WDR47: variants seen among roughly 807,000 people sequenced by gnomAD.
WDR47 encodes WD repeat domain 47, also known as WD repeat-containing protein 47.
WDR47 carries 32 observed loss-of-function variants against 97.2 expected under a neutral mutation model. That is an observed-to-expected ratio of 0.33 (90% CI 0.25 to 0.44). The LOEUF is 0.44. Ranked by LOEUF, WDR47 falls within the 20% of genes least tolerant of loss-of-function variation. The probability of loss-of-function intolerance (pLI) is 1.00; values close to 1 mark genes in which losing one functional copy is unlikely to be tolerated. For missense variants in WDR47, 782 were observed against 1,102.3 expected (o/e 0.71, Z 4.11); for synonymous variants, 375 against 373.5 (o/e 1.00, Z -0.05).
intron 7 of WDR47, among the ~76,000 whole-genome samples, chr1:108,999,724 A>T (rs1004050523): frequency 6.6e-6 from 1 of 152,124 alleles, no homozygotes; most frequent in Non-Finnish European, 1.5e-5. Context: ...TTGTCTATAA[A>T]GGAAAGATGA....
intron 13 of WDR47, among the ~76,000 whole-genome samples, chr1:108,978,303 G>A (rs1172955655): frequency 4.6e-5 from 7 of 151,710 alleles, no homozygotes; most frequent in Non-Finnish European, 8.8e-5. Flanking sequence ...GTGAAACCCC[G>A]TCTCTACTAA....
At chr1:108,992,633 C>G in intron 8 of WDR47, 1 of 1,417,460 alleles carries the variant, frequency 7.1e-7, no homozygotes, top group Non-Finnish European at 9.8e-7. Flanking sequence ...TGAGCATATC[C>G]AAGTGAACAA....
At chr1:109,010,850 G>A in intron 5 of WDR47, 66 bp downstream of exon 5, 1 of 1,480,058 alleles carries the variant, frequency 6.8e-7, no homozygotes, top group Non-Finnish European at 9.2e-7. Context: ...CCAAAGTGCT[G>A]GGATTACAGG....
chr1:108,978,506 A>C (rs1658100445), intron 13 of WDR47, among the ~76,000 whole-genome samples: 1 of 152,134 alleles, frequency 6.6e-6, no homozygotes, highest in Non-Finnish European at 1.5e-5. Flanking sequence ...AAAAAAAAAA[A>C]AAGAATTTTA....
At chr1:108,974,279 C>T (rs1054112792) in intron 14 of WDR47, among the ~76,000 whole-genome samples, 1 of 152,052 alleles carries the variant, frequency 6.6e-6, no homozygotes, top group Non-Finnish European at 1.5e-5. Flanking sequence ...CACTTGAGCC[C>T]AGGAGTTCGA....
chr1:108,980,603 C>T (rs1409355794), intron 13 of WDR47, among the ~76,000 whole-genome samples: 1 of 151,956 alleles, frequency 6.6e-6, no homozygotes, highest in Non-Finnish European at 1.5e-5. Context: ...GTGGTGGGCG[C>T]CTGTAGTTCC....
intron 5 of WDR47, among the ~76,000 whole-genome samples, chr1:109,008,163 A>G (rs1210947045): frequency 6.6e-6 from 1 of 152,144 alleles, no homozygotes; most frequent in African/African-American, 2.4e-5. Context: ...AACTGATTGA[A>G]GTTAGATTCT....
chr1:109,037,138 T>C (rs1329087381), intron 1 of WDR47, among the ~76,000 whole-genome samples: 1 of 148,600 alleles, frequency 6.7e-6, no homozygotes, highest in Non-Finnish European at 1.5e-5. Flanking sequence ...AAGACCAGCC[T>C]GACCAACATG....
At chr1:109,003,850 A>G (rs182129801) in intron 6 of WDR47, among the ~76,000 whole-genome samples, 13 of 152,304 alleles carry the variant, frequency 8.5e-5, no homozygotes, top group African/African-American at 3.1e-4. Flanking sequence ...TCCTCACAAA[A>G]ACACCAAAGA....
At chr1:109,021,315 G>A (rs556355612) in intron 2 of WDR47, among the ~76,000 whole-genome samples, 117 of 152,210 alleles carry the variant, frequency 7.7e-4, no homozygotes, top group African/African-American at 2.7e-3. Flanking sequence ...ATCACCTGAG[G>A]TCAGGAGTTT....
In WDR47 at chr1:109,010,903, A is replaced by G; in HGVS notation, c.1130+13T>C. 2 of 1,595,672 alleles carry G rather than the reference A, an allele frequency of 1.3e-6. No individual in the cohort carries two copies. The highest frequency in any genetic ancestry group is 1.7e-6 in the Non-Finnish European group (2 of 1,169,598). On this transcript the variant is annotated intron_variant, in intron 5 of 14. Transcript: ENST00000369962. ...GGCCTAAGATTTCCTAATTTTTATA[A>G]CCAAATGCTTACCGCTCAGGGGATT... is the stretch of plus-strand genomic sequence containing the variant.
intron 5 of WDR47, among the ~76,000 whole-genome samples, chr1:109,007,221 C>CAAAAA (rs542534921): frequency 1.1e-5 from 1 of 92,030 alleles, no homozygotes; most frequent in Non-Finnish European, 2.3e-5. Flanking sequence ...AATGTATACT[C>CAAAAA]AAAAAAAAAA....
rs1287594697 is a variant in WDR47 at position 109,002,280 on chromosome 1, C to T, written c.1377G>A (p.Val459=). Reference sequence around the variant, plus strand: ...GCTGATCAGGACCATCCTCCTGATTCACGCCTCCTTCAAGCAACATCTGTT... The same window carrying T: ...GCTGATCAGGACCATCCTCCTGATTTACGCCTCCTTCAAGCAACATCTGTT... ...IYQQMLLEGG[V]NQEDGPDQQQ... Residue 459 remains valine, a synonymous_variant, in exon 7 of 15, where the codon GTG becomes GTA. Coordinates refer to ENST00000369962, the MANE Select transcript of WDR47 (RefSeq NM_001142551.2). 3.7e-6 allele frequency: 6 copies of T among 1,612,152 alleles called. No individual in the cohort carries two copies. Among genetic ancestry groups the T allele is most frequent in the South Asian group, 1.1e-5 (1 of 90,862 alleles).
chr1:108,989,609 A>G (rs1363454039), intron 9 of WDR47, among the ~76,000 whole-genome samples: 1 of 152,242 alleles, frequency 6.6e-6, no homozygotes, highest in East Asian at 1.9e-4. Flanking sequence ...CTAATTAACT[A>G]AATGGCCTAT....
intron 2 of WDR47, among the ~76,000 whole-genome samples, chr1:109,020,636 T>C (rs1661765120): frequency 6.6e-6 from 1 of 152,018 alleles, no homozygotes; most frequent in African/African-American, 2.4e-5. Flanking sequence ...TAAAATTTCA[T>C]CATAAATCAA....
Position 109,023,363 on chromosome 1 carries a change from A to G in WDR47, c.150T>C (p.Leu50=), listed in dbSNP as rs1303878238. 53 of 1,613,046 alleles carry G rather than the reference A, an allele frequency of 3.3e-5. No homozygotes were observed. The highest frequency in any genetic ancestry group is 4.4e-5 in the Non-Finnish European group (52 of 1,179,596). The part of the protein sequence containing the change: ...VINGLFSDDM[L]FLRQLILDGQ... ...GTATAATGAAATCATACCTCAGGAA[A>G]AGCATATCATCTGAAAACAGGCCAT... The change falls in exon 2 of 15, where the codon CTT becomes CTC. Residue 50 remains leucine, a synonymous_variant. Coordinates refer to ENST00000369962, the MANE Select transcript of WDR47 (RefSeq NM_001142551.2).
chr1:109,038,054 G>A (rs1013800108), intron 1 of WDR47, among the ~76,000 whole-genome samples: 2 of 151,880 alleles, frequency 1.3e-5, no homozygotes, highest in Admixed American at 1.3e-4. Context: ...GCCCAGGCTG[G>A]TCTCAAACGT....
chr1:108,988,101 C>T (rs980755570), intron 9 of WDR47, among the ~76,000 whole-genome samples: 10 of 148,210 alleles, frequency 6.7e-5, no homozygotes, highest in South Asian at 2.1e-4. Context: ...AAATTTTAGA[C>T]GGCTGTGGTG....
At chr1:108,984,672 A>T (rs1015983830) in intron 10 of WDR47, among the ~76,000 whole-genome samples, 1 of 152,080 alleles carries the variant, frequency 6.6e-6, no homozygotes, top group Non-Finnish European at 1.5e-5. Flanking sequence ...GAGGTCAGGA[A>T]ATCAAGACCA....
Sources: allele counts gnomAD v4.1 joint callset (sites outside exome capture counted in the v4.1 genomes callset), GRCh38; gene constraint gnomAD v4.1.1; transcripts MANE v1.5; gene names NCBI Gene and HGNC (gene_info 2026-07-23, HGNC 2026-07-21).